Variants in BCAR3 observed in about 807,000 individuals in gnomAD.
BCAR3 encodes breast cancer anti-estrogen resistance protein 3.
In BCAR3, 37 loss-of-function variants were observed where a neutral mutation model predicts 80.1. That is an observed-to-expected ratio of 0.46 (90% CI 0.36 to 0.61). The LOEUF (loss-of-function observed/expected upper bound fraction) is 0.61, where lower values mean the gene tolerates loss of function less well. Among genes scored for constraint, BCAR3 ranks in the 20% least tolerant of loss-of-function variants. BCAR3 has a pLI of 0.00. For missense variants in BCAR3, 978 were observed against 1,068.2 expected, an observed-to-expected ratio of 0.92 and a Z score of 1.18; for synonymous variants, 389 against 418.9, an observed-to-expected ratio of 0.93 and a Z score of 0.87.
chr1:93,808,042 T>TA lies in BCAR3; in HGVS notation c.-63+37524dup, dbSNP rs149951325. On this transcript the variant is annotated intron_variant, in intron 2 of 13. Transcript: ENST00000370244. ...GATAAAGCAAAACTCTTTTTTTTTT[T>TA]AAAAAAAAAAAAAAAGAAGAAAAAT... Among the ~76,000 whole-genome samples, 337 of 138,920 alleles carry TA rather than the reference T, an allele frequency of 2.4e-3. 2 individuals carry two copies. Among genetic ancestry groups the TA allele is most frequent in the Non-Finnish European group, 3.5e-3 (224 of 64,032 alleles). The allele number at this position is 138,920 out of a possible 152,430, so 91.1% of individuals were successfully genotyped here.
intron 3 of BCAR3, among the ~76,000 whole-genome samples, chr1:93,611,190 C>T (rs1462350005): frequency 2.0e-5 from 3 of 152,102 alleles, no homozygotes; most frequent in African/African-American, 7.2e-5. Context: ...AAGTCTTTTG[C>T]AAATGTAATG....
chr1:93,716,193 T>C (rs1302869357), intron 2 of BCAR3, among the ~76,000 whole-genome samples: 2 of 152,162 alleles, frequency 1.3e-5, no homozygotes, highest in East Asian at 1.9e-4. Flanking sequence ...TGTTGAAAAA[T>C]GATTCTAACA....
Position 93,640,212 on chromosome 1 carries a change from C to T in BCAR3, c.357+2092G>A, listed in dbSNP as rs146871718. Reference sequence around the variant, plus strand: ...CTTCCTGGCACTGGTCAGCCCGGCTCCACAGGGCAACTAAGTGTGAGAAGT... The same window carrying T: ...CTTCCTGGCACTGGTCAGCCCGGCTTCACAGGGCAACTAAGTGTGAGAAGT... On this transcript the variant is annotated intron_variant, in intron 3 of 11. Coordinates refer to ENST00000260502, the MANE Select transcript of BCAR3 (RefSeq NM_003567.4). Among the ~76,000 whole-genome samples, 5 of 152,230 alleles carry T rather than the reference C, an allele frequency of 3.3e-5. No individual in the cohort carries two copies. The East Asian group carries it at 9.7e-4, about 29-fold the overall frequency.
rs375274043 is a variant in BCAR3 at position 93,804,387 on chromosome 1, ATAAC to A, written c.-63+41176_-63+41179del. On this transcript the variant is annotated intron_variant, in intron 2 of 13. Transcript: ENST00000370244. Reference sequence around the variant, plus strand: ...TAGGCACAGTAAGAGATTAACAACAATAACTAACAGTAAAATAGAACAATTATAA... The same window carrying A: ...TAGGCACAGTAAGAGATTAACAACAATAACAGTAAAATAGAACAATTATAA... Among the ~76,000 whole-genome samples, 47 of 152,324 alleles carry A rather than the reference ATAAC, an allele frequency of 3.1e-4. No individual in the cohort carries two copies. In the East Asian group the frequency reaches 5.6e-3, roughly 18 times the overall value.
chr1:93,636,414 C>A (rs1467193118), intron 3 of BCAR3, among the ~76,000 whole-genome samples: 1 of 152,218 alleles, frequency 6.6e-6, no homozygotes. Context: ...AGGAATCTAG[C>A]CAGGAACAAA....
Position 93,609,713 on chromosome 1 carries a change from A to G in BCAR3, c.358-17320T>C, listed in dbSNP as rs538617326. Among the ~76,000 whole-genome samples the G allele has an allele frequency of 2.6e-5, 4 of 152,328 alleles. No individual in the cohort carries two copies. The East Asian group carries it at 7.7e-4, about 29-fold the overall frequency. ...CCAGGGACCTGGGGGCGGGCCTGCC[A>G]GCGGCCACTCCCTGTGCTCCCCTTC... On this transcript the variant is annotated intron_variant, in intron 3 of 11. Coordinates refer to ENST00000260502, the MANE Select transcript of BCAR3 (RefSeq NM_003567.4).
At chr1:93,773,328 A>G (rs2100745564) in intron 2 of BCAR3, among the ~76,000 whole-genome samples, 1 of 152,358 alleles carries the variant, frequency 6.6e-6, no homozygotes, top group East Asian at 1.9e-4. Flanking sequence ...AGGTGAAAAA[A>G]AAATCTTACA....
At chr1:93,713,001 T>G (rs1406532718) in intron 2 of BCAR3, among the ~76,000 whole-genome samples, 1 of 152,196 alleles carries the variant, frequency 6.6e-6, no homozygotes, top group Non-Finnish European at 1.5e-5. Flanking sequence ...TCTTCCTTTT[T>G]CTCTAGGGCA....
chr1:93,562,396 T>A lies in BCAR3; in HGVS notation c.2323A>T (p.Asn775Tyr), dbSNP rs150697615. ...TGAAATTCAGTCTTGCAGATTTCAT[T>A]CATTTCTTCATCTGGTTGAAAACCT... The part of the protein sequence containing the change: ...LAGFQPDEEM[N>Y]EICKTEFQMR... Residue 775 changes from asparagine (N) to tyrosine (Y), a missense_variant, in exon 12 of 12, where the codon AAT becomes TAT. Physicochemically the swap from Asn to Tyr is moderately radical, Grantham distance 143. Coordinates refer to ENST00000260502, the MANE Select transcript of BCAR3 (RefSeq NM_003567.4). 2.5e-6 allele frequency: 4 copies of A among 1,613,806 alleles called. No homozygotes were observed. The highest frequency in any genetic ancestry group is 3.4e-6 in the Non-Finnish European group (4 of 1,179,932).
chr1:93,836,893 G>A (rs1195398507), intron 2 of BCAR3, among the ~76,000 whole-genome samples: 5 of 151,508 alleles, frequency 3.3e-5, no homozygotes, highest in Admixed American at 1.3e-4. Flanking sequence ...TGTGACCCCC[G>A]CCCCTGCCTG....
chr1:93,660,257 G>A (rs1647589834), intron 2 of BCAR3, among the ~76,000 whole-genome samples: 1 of 152,134 alleles, frequency 6.6e-6, no homozygotes, highest in Non-Finnish European at 1.5e-5. Flanking sequence ...AACTGTGATG[G>A]CCTCAGACAG....
intron 2 of BCAR3, among the ~76,000 whole-genome samples, chr1:93,747,806 C>G (rs923300385): frequency 6.6e-6 from 1 of 151,744 alleles, no homozygotes; most frequent in Non-Finnish European, 1.5e-5. Flanking sequence ...GCCACTTCCC[C>G]CAGTGTGCTA....
chr1:93,649,695 A>G (rs1299770045), intron 2 of BCAR3, among the ~76,000 whole-genome samples: 1 of 152,100 alleles, frequency 6.6e-6, no homozygotes, highest in Non-Finnish European at 1.5e-5. Context: ...AAATCTGACT[A>G]TATTGCCTTT....
At chr1:93,703,880 G>A (rs541460430) in intron 3 of BCAR3, among the ~76,000 whole-genome samples, 9 of 152,320 alleles carry the variant, frequency 5.9e-5, no homozygotes, top group South Asian at 2.1e-4. Flanking sequence ...AGGGAGTGAC[G>A]AGTGCACGAG....
chr1:93,574,657 C>T (rs1019384629), intron 8 of BCAR3, among the ~76,000 whole-genome samples: 2 of 152,192 alleles, frequency 1.3e-5, no homozygotes, highest in Non-Finnish European at 2.9e-5. Context: ...TGAAATGTCT[C>T]ATGGGAGAAA....
chr1:93,782,383 G>A (rs1394047001), intron 2 of BCAR3, among the ~76,000 whole-genome samples: 1 of 152,158 alleles, frequency 6.6e-6, no homozygotes, highest in Non-Finnish European at 1.5e-5. Context: ...AACCATCCAA[G>A]TACTTTAGAA....
chr1:93,728,561 G>T (rs1650676488), intron 2 of BCAR3, among the ~76,000 whole-genome samples: 1 of 152,290 alleles, frequency 6.6e-6, no homozygotes, highest in African/African-American at 2.4e-5. Flanking sequence ...TTTATTGAGT[G>T]CAGATAGCTC....
chr1:93,604,937 T>C (rs1011728323), intron 3 of BCAR3, among the ~76,000 whole-genome samples: 19 of 152,144 alleles, frequency 1.2e-4, no homozygotes, highest in Non-Finnish European at 5.9e-5. Context: ...AGTTTGCCCA[T>C]CATGTTTCTT....
intron 2 of BCAR3, among the ~76,000 whole-genome samples, chr1:93,803,273 T>C (rs778367035): frequency 2.0e-5 from 3 of 152,078 alleles, no homozygotes; most frequent in Admixed American, 6.5e-5. Flanking sequence ...GGTTCACATA[T>C]AGAATGTAAA....
Sources: gnomAD v4.1 joint callset for allele counts (sites outside exome capture counted in the v4.1 genomes callset) on GRCh38, gnomAD v4.1.1 for gene constraint, MANE v1.5 for transcripts, NCBI Gene and HGNC (gene_info 2026-07-23, HGNC 2026-07-21) for gene names.